Variants in MEA1 observed in about 807,000 individuals in gnomAD.
The protein encoded by MEA1 is male-enhanced antigen 1.
Under a neutral mutation model 21.4 loss-of-function variants are expected in MEA1, and 22 were observed. The ratio of observed to expected loss-of-function variants is 1.03; its 90% CI spans 0.73 to 1.47. MEA1 has a LOEUF of 1.47. Among genes scored for constraint, MEA1 ranks in the 40% most tolerant of loss-of-function variants. The pLI, the probability that MEA1 is intolerant of heterozygous loss-of-function variation, is 0.00. For synonymous variants in MEA1, 91 were observed against 85.5 expected, an observed-to-expected ratio of 1.06 and a Z score of -0.35; for missense variants, 233 against 230.5, an observed-to-expected ratio of 1.01 and a Z score of -0.07.
Position 43,012,926 on chromosome 6 carries a change from C to A in MEA1, c.406G>T (p.Glu136Ter). ...NNHSSIPMDP[E>*]HVELVKRTMA... is the part of the protein sequence containing the mutation. Reference sequence around the variant, plus strand: ...CCAGAATGAAAGAATGATCTTTTACCTGGGTCCATGGGAATAGAGCTGTGG... The same window carrying A: ...CCAGAATGAAAGAATGATCTTTTACATGGGTCCATGGGAATAGAGCTGTGG... The change falls in exon 3 of 4, where the codon GAA (glutamate) becomes TAA (stop). Residue 136 changes from glutamate (E) to a stop codon, truncating the protein, a stop_gained and splice_region_variant. Coordinates refer to ENST00000244711, the MANE Select transcript of MEA1 (RefSeq NM_014623.4). LOFTEE classifies it high-confidence loss of function. The A allele has an allele frequency of 6.2e-7, 1 of 1,612,704 alleles. No homozygotes were observed. Among genetic ancestry groups the A allele is most frequent in the Non-Finnish European group, 8.5e-7 (1 of 1,178,706 alleles).
At chr6:43,014,008 G>T (rs1223473292), upstream of MEA1, 2 of 1,421,762 alleles carry the variant, frequency 1.4e-6, no homozygotes, top group Non-Finnish European at 1.8e-6. Context: ...CGAGGAGTCC[G>T]CCCCTTGCCC....
chr6:43,012,844 C>T, intron 3 of MEA1, 82 bp downstream of exon 3: 2 of 1,374,452 alleles, frequency 1.5e-6, no homozygotes, highest in Middle Eastern at 1.8e-4. Context: ...AGGATAGGGT[C>T]TTCCTCTGAA....
Position 43,013,774 on chromosome 6 carries a change from C to T in MEA1, c.28+12G>A, listed in dbSNP as rs1762470681. ...CCCCCTTCTCCCCTCTCCTAGAGGA[C>T]CCCCTCTGTACCGCCTGACAGATGC... On this transcript the variant is annotated intron_variant, in intron 1 of 3. Transcript: ENST00000244711. The T allele has an allele frequency of 1.2e-6, 2 of 1,600,144 alleles. No homozygotes were observed. The highest frequency in any genetic ancestry group is 1.7e-6 in the Non-Finnish European group (2 of 1,170,270).
chr6:43,012,068 G>T lies in MEA1; in HGVS notation c.*402C>A. The T allele has an allele frequency of 2.6e-6, 1 of 386,466 alleles. No homozygotes were observed. The highest frequency in any genetic ancestry group is 3.6e-6 in the Non-Finnish European group (1 of 281,104). 23.9% of individuals were successfully genotyped at this position (386,466 alleles called of 1,614,324 possible). A position where few individuals can be genotyped will look rare whatever the true frequency, so the allele number is the denominator to read the frequency against. On this transcript the variant is annotated 3_prime_UTR_variant, in exon 4 of 4. Coordinates refer to ENST00000244711, the MANE Select transcript of MEA1 (RefSeq NM_014623.4). ...GGTTCCCAAAACTAGAAAGAAGGAA[G>T]CAGGGAGCGGTGCCCCAAGCATGGC...
chr6:43,016,677 G>C (rs1049038092), upstream of MEA1: 11 of 159,258 alleles, frequency 6.9e-5, no homozygotes, highest in African/African-American at 2.2e-4. Flanking sequence ...TCAATGGACT[G>C]TTTGAGGCTG....
chr6:43,013,305 C>T lies in MEA1; in HGVS notation c.113G>A (p.Gly38Glu). ...RIFPNQTEEL[G>E]HQGPSEGTGD... is the part of the protein sequence containing the mutation. The stretch of plus-strand genomic sequence containing the variant: ...AGTGCCTTCTGAAGGGCCCTGATGT[C>T]CCAGTTCCTCAGTCTGATTGGGGAA... Residue 38 changes from glycine (G) to glutamate (E), a missense_variant, in exon 2 of 4, where the codon GGA (glycine) becomes GAA (glutamate). Transcript: ENST00000244711. The T allele has an allele frequency of 6.2e-7, 1 of 1,614,182 alleles. No homozygotes were observed. The highest frequency in any genetic ancestry group is 8.5e-7 in the Non-Finnish European group (1 of 1,180,018).
Position 43,013,808 on chromosome 6 carries a change from C to CCCCATGG in MEA1, c.-2_5dup (p.Pro3HisfsTer4). 1 of 1,608,716 alleles carries CCCCATGG rather than the reference C, an allele frequency of 6.2e-7. No homozygotes were observed. Among genetic ancestry groups the CCCCATGG allele is most frequent in the Non-Finnish European group, 8.5e-7 (1 of 1,178,188 alleles). On this transcript the variant is annotated frameshift_variant, in exon 1 of 4. Transcript: ENST00000244711. LOFTEE classifies it high-confidence loss of function. Reference sequence around the variant, plus strand: ...TACCGCCTGACAGATGCCTTTCAGGCCCCATGGGCTCCCCTCAAATGGCCC... The same window carrying CCCCATGG: ...TACCGCCTGACAGATGCCTTTCAGGCCCCATGGCCCATGGGCTCCCCTCAAATGGCCC...
upstream of MEA1, chr6:43,014,239 G>A (rs1185902701): frequency 8.1e-6 from 9 of 1,104,414 alleles, no homozygotes; most frequent in Non-Finnish European, 1.1e-5. Context: ...GAAGAACCGA[G>A]CTTGGCTGTG....
intron 3 of MEA1, 67 bp downstream of exon 3, chr6:43,012,855 ACTTC>A: frequency 3.5e-6 from 5 of 1,448,010 alleles, no homozygotes; most frequent in South Asian, 2.3e-5. Context: ...TTCCTCTGAA[ACTTC>A]CTTCTACTGA....
At chr6:43,013,614 G>T (rs533815614) in intron 1 of MEA1, 172 bp downstream of exon 1, 1 of 834,572 alleles carries the variant, frequency 1.2e-6, no homozygotes, top group Non-Finnish European at 1.9e-6. Context: ...CCACTTCCTA[G>T]TTAAACGCCC....
chr6:43,012,168 G>C lies in MEA1; in HGVS notation c.*302C>G. 1 of 1,092,564 alleles carries C rather than the reference G, an allele frequency of 9.2e-7. No homozygotes were observed. The highest frequency in any genetic ancestry group is 4.3e-5 in the South Asian group (1 of 23,294). The allele number at this position is 1,092,564 out of a possible 1,614,324, so 67.7% of individuals were successfully genotyped here. On this transcript the variant is annotated 3_prime_UTR_variant, in exon 4 of 4. Transcript: ENST00000244711. The stretch of plus-strand genomic sequence containing the variant: ...TTCTCTTGTCCCTTATAGGTACCTT[G>C]GAGGGGCCAGGGGCTGAGGAAGGCC...
chr6:43,011,151 G>C lies in MEA1; in HGVS notation c.*1319C>G. On this transcript the variant is annotated 3_prime_UTR_variant, in exon 4 of 4. Transcript: ENST00000244711. ...ACCTTGTCCCTATTCACACACAGAT[G>C]CTAAAAGACATCAAGAAGGAGAAAG... The C allele has an allele frequency of 6.2e-7, 1 of 1,614,122 alleles. No individual in the cohort carries two copies. Among genetic ancestry groups the C allele is most frequent in the South Asian group, 1.1e-5 (1 of 91,090 alleles).
At chr6:43,013,058 T>G in intron 2 of MEA1, 30 bp from the exon 3 acceptor site, 1 of 1,614,168 alleles carries the variant, frequency 6.2e-7, no homozygotes, top group Non-Finnish European at 8.5e-7. Context: ...CGTTTGGGTC[T>G]AGGCTTTCAG....
upstream of MEA1, chr6:43,014,198 C>G: frequency 7.4e-7 from 1 of 1,353,834 alleles, no homozygotes; most frequent in South Asian, 1.6e-5. Flanking sequence ...CACTTAGCTA[C>G]GACTGCACGT....
rs2273916 is a variant in MEA1 at position 43,013,294 on chromosome 6, G to A, written c.124C>T (p.Pro42Ser). ...NQTEELGHQG[P>S]SEGTGDWSSE... ...CTCCAATCCCCAGTGCCTTCTGAAG[G>A]GCCCTGATGTCCCAGTTCCTCAGTC... Residue 42 changes from proline to serine, a missense_variant, in exon 2 of 4, where the codon CCT becomes TCT. Coordinates refer to ENST00000244711, the MANE Select transcript of MEA1 (RefSeq NM_014623.4). 29 of 1,613,960 alleles carry A rather than the reference G, an allele frequency of 1.8e-5. 1 individual carries two copies. The highest frequency in any genetic ancestry group is 2.2e-5 in the Non-Finnish European group (26 of 1,180,020).
Position 43,013,269 on chromosome 6 carries a change from C to G in MEA1, c.149G>C (p.Ser50Thr), listed in dbSNP as rs1762439113. Residue 50 changes from serine (S) to threonine (T), a missense_variant, in exon 2 of 4, where the codon AGC (serine) becomes ACC (threonine). By Grantham distance (58) the Ser-to-Thr change is moderately conservative (BLOSUM62 1). Coordinates refer to ENST00000244711, the MANE Select transcript of MEA1 (RefSeq NM_014623.4). ...CTGCTCTTCCTCAGGCTCCTCACTGCTCCAATCCCCAGTGCCTTCTGAAGG... is the reference window on the plus strand; with the variant it reads ...CTGCTCTTCCTCAGGCTCCTCACTGGTCCAATCCCCAGTGCCTTCTGAAGG... ...QGPSEGTGDW[S>T]SEEPEEEQEE... 6.2e-7 allele frequency: 1 copy of G among 1,614,204 alleles called. No individual in the cohort carries two copies. Among genetic ancestry groups the G allele is most frequent in the African/African-American group, 1.3e-5 (1 of 75,042 alleles).
Position 43,013,342 on chromosome 6 carries a change from G to T in MEA1, c.76C>A (p.Pro26Thr). ...GTCTGATTGGGGAAGATACGCTCAGGGCCCATGGTGTCTCCTCCTAGAACT... is the reference window on the plus strand; with the variant it reads ...GTCTGATTGGGGAAGATACGCTCAGTGCCCATGGTGTCTCCTCCTAGAACT... ...TVVLGGDTMG[P>T]ERIFPNQTEE... Residue 26 changes from proline to threonine, a missense_variant, in exon 2 of 4, where the codon CCT (proline) becomes ACT (threonine). Transcript: ENST00000244711. 3 of 1,614,040 alleles carry T rather than the reference G, an allele frequency of 1.9e-6. No homozygotes were observed. The highest frequency in any genetic ancestry group is 2.5e-6 in the Non-Finnish European group (3 of 1,180,016).
At chr6:43,013,947 G>C (rs1223758151), upstream of MEA1, 2 of 1,458,872 alleles carry the variant, frequency 1.4e-6, no homozygotes, top group East Asian at 5.1e-5. Flanking sequence ...ACGTGCAGAG[G>C]TGCCTAGTCC....
chr6:43,012,417 C>A lies in MEA1; in HGVS notation c.*53G>T. Reference sequence around the variant, plus strand: ...CATTACAACCAGGGATGTGTTCAGTCCTGTGCTGGTTCTGGCCTGGAATGT... The same window carrying A: ...CATTACAACCAGGGATGTGTTCAGTACTGTGCTGGTTCTGGCCTGGAATGT... On this transcript the variant is annotated 3_prime_UTR_variant, in exon 4 of 4. Coordinates refer to ENST00000244711, the MANE Select transcript of MEA1 (RefSeq NM_014623.4). 6.5e-7 allele frequency: 1 copy of A among 1,538,142 alleles called. No individual in the cohort carries two copies. Among genetic ancestry groups the A allele is most frequent in the Non-Finnish European group, 8.7e-7 (1 of 1,143,308 alleles).
Sources: allele counts gnomAD v4.1 joint callset, GRCh38; gene constraint gnomAD v4.1.1; transcripts MANE v1.5; gene names NCBI Gene and HGNC (gene_info 2026-07-23, HGNC 2026-07-21).